The following UCKL1 variants were observed in gnomAD, a reference collection of about 807,000 sequenced individuals.
UCKL1 encodes uridine-cytidine kinase-like 1.
Under a neutral mutation model 59.2 loss-of-function variants are expected in UCKL1, and 65 were observed. That is an observed-to-expected ratio of 1.10 (90% confidence interval 0.90 to 1.35). The LOEUF is 1.35. Among genes scored for constraint, UCKL1 ranks in the 40% most tolerant of loss-of-function variants. The pLI is 0.00. For missense variants in UCKL1, 703 were observed against 784.3 expected (o/e 0.90, Z 1.24); for synonymous variants, 410 against 323.1 (o/e 1.27, Z -2.88).
rs960644867 is a variant in UCKL1 at position 63,946,433 on chromosome 20, C to G, written c.304+20G>C. 2.6e-6 allele frequency: 4 copies of G among 1,529,918 alleles called. No individual in the cohort carries two copies. In the Admixed American group the frequency reaches 7.9e-5, roughly 30 times the overall value. The allele number at this position is 1,529,918 out of a possible 1,614,324, so 94.8% of individuals were successfully genotyped here. On this transcript the variant is annotated intron_variant, in intron 2 of 14. Transcript: ENST00000354216. ...GAGGCAGGCGTCCGGCAGCAGGTCC[C>G]ACCCCCCCGCTGCTCTCACCGATGG...
intron 5 of UCKL1, 116 bp downstream of exon 5, chr20:63,945,535 G>A: frequency 9.4e-7 from 1 of 1,064,624 alleles, no homozygotes; most frequent in Admixed American, 2.4e-5. Flanking sequence ...GGAGTGGCTG[G>A]CCTAGGCCTA....
intron 1 of UCKL1, among the ~76,000 whole-genome samples, chr20:63,947,460 G>C (rs1330663659): frequency 6.6e-6 from 1 of 152,222 alleles, no homozygotes; most frequent in Non-Finnish European, 1.5e-5. Context: ...ACCAGACCAG[G>C]TTGTGCGCAC....
chr20:63,946,635 G>A lies in UCKL1; in HGVS notation c.122C>T (p.Ala41Val). ...TGGCAGGAGCCTGTCCAGGGACTCT[G>A]CATTGCTGCTGCAGAGAGGGATGTA... ...SETACEDRSNAESLDRLLPPV... is the reference protein window; with the variant it reads ...SETACEDRSNVESLDRLLPPV... Residue 41 changes from alanine to valine, a missense_variant, in exon 2 of 15, where the codon GCA becomes GTA. By Grantham distance (64) the Ala-to-Val change is moderately conservative (BLOSUM62 0). Around this residue, in one of 4 missense-constraint regions of UCKL1, gnomAD observed 398 missense variants for 373.0 expected, o/e 1.07. Coordinates refer to ENST00000354216, the MANE Select transcript of UCKL1 (RefSeq NM_017859.4). 6.2e-7 allele frequency: 1 copy of A among 1,608,014 alleles called. No homozygotes were observed.
intron 8 of UCKL1, chr20:63,941,748 G>A (rs983562401): frequency 1.0e-4 from 22 of 213,592 alleles, no homozygotes; most frequent in Non-Finnish European, 1.3e-4. Context: ...GGGGATGGCC[G>A]GGGCAGCAGC....
Position 63,946,171 on chromosome 20 carries a change from G to T in UCKL1, c.401C>A (p.Ser134Tyr). 6.2e-7 allele frequency: 1 copy of T among 1,612,214 alleles called. No homozygotes were observed. The highest frequency in any genetic ancestry group is 8.5e-7 in the Non-Finnish European group (1 of 1,179,672). ...TGGGCGGGGGCCCACCTTGTAGAAG[G>T]AGTCCATGGACAGCAAGACCACCCA... is the stretch of plus-strand genomic sequence containing the variant. Reference protein sequence around the residue: ...VPWVVLLSMDSFYKVLTEQQQ... With the variant: ...VPWVVLLSMDYFYKVLTEQQQ... Residue 134 changes from serine to tyrosine, a missense_variant, in exon 3 of 15, where the codon TCC becomes TAC. By Grantham distance (144) the Ser-to-Tyr change is moderately radical. Transcript: ENST00000354216.
chr20:63,945,981 G>T lies in UCKL1; in HGVS notation c.412-6C>A, dbSNP rs922533040. 1.5e-5 allele frequency: 24 copies of T among 1,613,578 alleles called. No homozygotes were observed. Among genetic ancestry groups the T allele is most frequent in the East Asian group, 2.2e-5 (1 of 44,892 alleles). ...TGCTGCTGCTCAGTCAGCACCTGGT[G>T]GGGGAGGCTGTGGAGCAGCTGTGGG... On this transcript the variant is annotated splice_region_variant and splice_polypyrimidine_tract_variant and intron_variant, in intron 3 of 14. Transcript: ENST00000354216.
chr20:63,956,079 C>T (rs1446772459), intron 1 of UCKL1, 181 bp downstream of exon 1: 15 of 532,180 alleles, frequency 2.8e-5, no homozygotes, highest in Non-Finnish European at 4.7e-5. Context: ...CCAGGTCCGT[C>T]CTCCCGGCCG....
chr20:63,950,722 G>A, intron 1 of UCKL1: 1 of 1,482,952 alleles, frequency 6.7e-7, no homozygotes, highest in Non-Finnish European at 9.0e-7. Context: ...GCACAAGTGG[G>A]TGCCCCTCAC....
At chr20:63,942,633 C>CA in intron 8 of UCKL1, 1 of 554,650 alleles carries the variant, frequency 1.8e-6, no homozygotes, top group South Asian at 1.5e-5. Context: ...TGTGGGCGGT[C>CA]AGGCCCCCAG....
chr20:63,953,113 C>T (rs1445586616), intron 1 of UCKL1, among the ~76,000 whole-genome samples: 1 of 152,260 alleles, frequency 6.6e-6, no homozygotes, highest in African/African-American at 2.4e-5. Context: ...GGCACGGTGG[C>T]ACATGCCTGT....
At position 63,941,221 on chromosome 20, in the gene UCKL1, C is replaced by A. The variant is rs750622395; in HGVS notation, c.924-13G>T. 1.3e-6 allele frequency: 2 copies of A among 1,497,512 alleles called. No individual in the cohort carries two copies. Among genetic ancestry groups the A allele is most frequent in the Non-Finnish European group, 1.8e-6 (2 of 1,126,262 alleles). 92.8% of individuals were successfully genotyped at this position (1,497,512 alleles called of 1,614,324 possible). On this transcript the variant is annotated splice_polypyrimidine_tract_variant and intron_variant, in intron 8 of 14. Coordinates refer to ENST00000354216, the MANE Select transcript of UCKL1 (RefSeq NM_017859.4). The stretch of plus-strand genomic sequence containing the variant: ...GGCCAGCGCAGCCCTGGGGACAAAC[C>A]GATGGGGAACACTCAAGAAGGGGGT...
chr20:63,951,726 C>A (rs564164473), intron 1 of UCKL1, among the ~76,000 whole-genome samples: 1 of 151,990 alleles, frequency 6.6e-6, no homozygotes, highest in African/African-American at 2.4e-5. Flanking sequence ...CACCTCCCCG[C>A]CCAGGGCTCA....
Position 63,945,508 on chromosome 20 carries a change from G to T in UCKL1, c.654+143C>A, listed in dbSNP as rs1569078259. On this transcript the variant is annotated intron_variant, in intron 5 of 14. Coordinates refer to ENST00000354216, the MANE Select transcript of UCKL1 (RefSeq NM_017859.4). ...ATGGACCCAGCTGTGGCATGCCTGG[G>T]GTTGGGGTTGGGGTAGGGAGTGGCT... 3 of 799,302 alleles carry T rather than the reference G, an allele frequency of 3.8e-6. No individual in the cohort carries two copies. The South Asian group carries it at 5.7e-5, about 15-fold the overall frequency. The allele number at this position is 799,302 out of a possible 1,614,324, so 49.5% of individuals were successfully genotyped here. A position where few individuals can be genotyped will look rare whatever the true frequency, so the allele number is the denominator to read the frequency against.
At chr20:63,946,911 C>G (rs1438845707) in intron 1 of UCKL1, among the ~76,000 whole-genome samples, 1 of 151,700 alleles carries the variant, frequency 6.6e-6, no homozygotes, top group Non-Finnish European at 1.5e-5. Flanking sequence ...AGACCCGTCT[C>G]TACTAAAAAT....
intron 8 of UCKL1, chr20:63,942,766 A>C (rs1250039136): frequency 1.9e-5 from 9 of 462,060 alleles, no homozygotes; most frequent in Non-Finnish European, 3.6e-5. Flanking sequence ...GGCTGCGTTC[A>C]GGTGTTTTTC....
chr20:63,939,876 T>C lies in UCKL1; in HGVS notation c.*100A>G. 1 of 1,010,430 alleles carries C rather than the reference T, an allele frequency of 9.9e-7. No individual in the cohort carries two copies. The highest frequency in any genetic ancestry group is 1.5e-6 in the Non-Finnish European group (1 of 680,070). 62.6% of individuals were successfully genotyped at this position (1,010,430 alleles called of 1,614,324 possible). On this transcript the variant is annotated 3_prime_UTR_variant, in exon 15 of 15. Coordinates refer to ENST00000354216, the MANE Select transcript of UCKL1 (RefSeq NM_017859.4). ...TATTTTATAAAATGCATAGAATAAA[T>C]TATACTAGTAACATTTTAAAAATTA...
intron 5 of UCKL1, among the ~76,000 whole-genome samples, chr20:63,944,973 G>A (rs1160135062): frequency 6.6e-6 from 1 of 152,202 alleles, no homozygotes; most frequent in Non-Finnish European, 1.5e-5. Flanking sequence ...GGAGGTGGGG[G>A]TGTCTGGGGA....
chr20:63,940,532 C>T, intron 12 of UCKL1, 47 bp from the exon 13 acceptor site: 1 of 1,604,096 alleles, frequency 6.2e-7, no homozygotes, highest in Non-Finnish European at 8.5e-7. Flanking sequence ...CCTGCGTCCC[C>T]TTGCTGTGAG....
intron 1 of UCKL1, among the ~76,000 whole-genome samples, chr20:63,952,665 C>T (rs550488829): frequency 6.6e-6 from 1 of 152,280 alleles, no homozygotes; most frequent in Non-Finnish European, 1.5e-5. Flanking sequence ...CTGCCCAGAG[C>T]ACCTTCTGCC....
Sources: allele counts gnomAD v4.1 joint callset (sites outside exome capture counted in the v4.1 genomes callset), GRCh38; gene constraint gnomAD v4.1.1; regional missense constraint gnomAD v4.1.1; transcripts MANE v1.5; gene names NCBI Gene and HGNC (gene_info 2026-07-23, HGNC 2026-07-21).